Variants in DYNC1LI1 observed in about 807,000 individuals in gnomAD.
DYNC1LI1 encodes the protein dynein cytoplasmic 1 light intermediate chain 1.
In DYNC1LI1, 19 loss-of-function variants were observed where a neutral mutation model predicts 63.8. That is an observed-to-expected ratio of 0.30 (90% confidence interval 0.21 to 0.44). The LOEUF (loss-of-function observed/expected upper bound fraction) is 0.44, where lower values mean the gene tolerates loss of function less well. Among genes scored for constraint, DYNC1LI1 ranks in the 20% least tolerant of loss-of-function variants. The pLI is 1.00. For synonymous variants in DYNC1LI1, 225 were observed against 232.3 expected, an observed-to-expected ratio of 0.97 and a Z score of 0.28; for missense variants, 565 against 630.2, an observed-to-expected ratio of 0.90 and a Z score of 1.11.
Position 32,526,908 on chromosome 3 carries a change from C to A in DYNC1LI1, c.1463G>T (p.Gly488Val), listed in dbSNP as rs143517124. The stretch of plus-strand genomic sequence containing the variant: ...ATGAACATCTAAGACAGGCTTCTGG[C>A]CTACATTGAAGAAAAAGAAAAAAAA... ...SGLPPSTKKS[G>V]QKPVLDVHAE... Residue 488 changes from glycine to valine, a missense_variant and splice_region_variant, in exon 13 of 13, where the codon GGC becomes GTC. Gly to Val is a moderately radical substitution (Grantham distance 109, BLOSUM62 -3). Coordinates refer to ENST00000273130, the MANE Select transcript of DYNC1LI1 (RefSeq NM_016141.4). 2.1e-5 allele frequency: 33 copies of A among 1,603,074 alleles called. No homozygotes were observed. In the African/African-American group the frequency reaches 3.5e-4, roughly 17 times the overall value.
At chr3:32,544,831 A>C (rs757405648) in intron 4 of DYNC1LI1, 45 bp downstream of exon 4, 63 of 1,367,732 alleles carry the variant, frequency 4.6e-5, no homozygotes, top group Non-Finnish European at 6.5e-5. Context: ...GTCAGCCAAG[A>C]CATTTTGTAT....
intron 4 of DYNC1LI1, 88 bp downstream of exon 4, chr3:32,544,788 C>CT (rs201284867): frequency 1.1e-6 from 1 of 949,768 alleles, no homozygotes; most frequent in Middle Eastern, 2.2e-4. Flanking sequence ...TTCATTAAAC[C>CT]TTTTTTATAG....
At chr3:32,550,180 A>G (rs572844040) in intron 2 of DYNC1LI1, among the ~76,000 whole-genome samples, 1 of 152,264 alleles carries the variant, frequency 6.6e-6, no homozygotes, top group South Asian at 2.1e-4. Flanking sequence ...GCCTGTAATC[A>G]CAGCACTTTG....
chr3:32,560,959 A>AC (rs1698181529), intron 2 of DYNC1LI1, among the ~76,000 whole-genome samples: 1 of 128,782 alleles, frequency 7.8e-6, no homozygotes, highest in Non-Finnish European at 1.6e-5. Flanking sequence ...CCAAGACTGC[A>AC]CCACTGCACT....
At chr3:32,565,012 T>C (rs1042129817) in intron 2 of DYNC1LI1, among the ~76,000 whole-genome samples, 2 of 152,184 alleles carry the variant, frequency 1.3e-5, no homozygotes, top group African/African-American at 2.4e-5. Flanking sequence ...CATATACTTA[T>C]TGATGATGTT....
rs537165508 is a variant in DYNC1LI1 at position 32,552,696 on chromosome 3, C to CTGT, written c.221-6734_221-6732dup. Reference sequence around the variant, plus strand: ...TTTCACAGCAAAATGTATACTTTTGCTGTTGTTGTTGTTGTTGTTGTTGTC... The same window carrying CTGT: ...TTTCACAGCAAAATGTATACTTTTGCTGTTGTTGTTGTTGTTGTTGTTGTTGTC... On this transcript the variant is annotated intron_variant, in intron 2 of 12. Transcript: ENST00000273130. Among the ~76,000 whole-genome samples, 119 of 151,906 alleles carry CTGT rather than the reference C, an allele frequency of 7.8e-4. No individual in the cohort carries two copies. In the Middle Eastern group the frequency reaches 0.027, roughly 35 times the overall value.
At chr3:32,558,386 C>T (rs1450663229) in intron 2 of DYNC1LI1, among the ~76,000 whole-genome samples, 1 of 147,206 alleles carries the variant, frequency 6.8e-6, no homozygotes, top group East Asian at 2.0e-4. Flanking sequence ...TTTTATTCCC[C>T]CAACTCTTTA....
chr3:32,532,732 T>C, intron 8 of DYNC1LI1: 1 of 417,818 alleles, frequency 2.4e-6, no homozygotes, highest in Non-Finnish European at 3.8e-6. Context: ...TATATTAGAA[T>C]GTGGATTCTG....
chr3:32,527,904 T>C (rs533024972), intron 12 of DYNC1LI1, among the ~76,000 whole-genome samples: 3 of 151,770 alleles, frequency 2.0e-5, no homozygotes, highest in African/African-American at 7.3e-5. Context: ...GAGGATCACT[T>C]GAGGCCAGGA....
At chr3:32,558,118 C>A (rs1454181942) in intron 2 of DYNC1LI1, among the ~76,000 whole-genome samples, 2 of 152,074 alleles carry the variant, frequency 1.3e-5, no homozygotes, top group Non-Finnish European at 1.5e-5. Flanking sequence ...CCTGTAGCCC[C>A]AGCTACTCAG....
chr3:32,530,484 G>T lies in DYNC1LI1; in HGVS notation c.1117C>A (p.Gln373Lys). ...ACCTGTAGCTTCATAAGAAACACCTGATCATCTTCTGCCATAATTTCCTTC... is the reference window on the plus strand; with the variant it reads ...ACCTGTAGCTTCATAAGAAACACCTTATCATCTTCTGCCATAATTTCCTTC... ...HEKEIMAEDD[Q>K]VFLMKLQSLL... The change falls in exon 9 of 13, where the codon CAG becomes AAG. Residue 373 changes from glutamine to lysine, a missense_variant. Transcript: ENST00000273130. 1 of 1,613,288 alleles carries T rather than the reference G, an allele frequency of 6.2e-7. No individual in the cohort carries two copies. Among genetic ancestry groups the T allele is most frequent in the South Asian group, 1.1e-5 (1 of 91,060 alleles).
At chr3:32,530,095 G>A (rs1268314422) in intron 10 of DYNC1LI1, among the ~76,000 whole-genome samples, 189 bp downstream of exon 10, 2 of 152,106 alleles carry the variant, frequency 1.3e-5, no homozygotes, top group South Asian at 4.1e-4. Flanking sequence ...ATAAATGGCT[G>A]AGTATTGACA....
At chr3:32,568,543 G>GT (rs1273110564) in intron 2 of DYNC1LI1, among the ~76,000 whole-genome samples, 2 of 152,012 alleles carry the variant, frequency 1.3e-5, no homozygotes, top group African/African-American at 4.8e-5. Context: ...TTCTTGTATG[G>GT]TGGAGTGAAG....
At chr3:32,530,078 A>G (rs1291056852) in intron 10 of DYNC1LI1, among the ~76,000 whole-genome samples, 1 of 152,188 alleles carries the variant, frequency 6.6e-6, no homozygotes, top group Non-Finnish European at 1.5e-5. Context: ...AATTTGTAAA[A>G]TGACATATAA....
Position 32,567,560 on chromosome 3 carries a change from A to G in DYNC1LI1, c.220+2786T>C, listed in dbSNP as rs184002492. 1.0e-3 allele frequency among the ~76,000 whole-genome samples: 152 copies of G among 149,346 alleles called. 1 individual carries two copies. The highest frequency in any genetic ancestry group is 3.4e-3 in the African/African-American group (139 of 40,572). ...TTATTATTATTATTATTATTTTGAG[A>G]CAGGGTCTCACTCTGTTGCCCAGGC... On this transcript the variant is annotated intron_variant, in intron 2 of 12. Transcript: ENST00000273130.
chr3:32,532,855 C>T (rs1252345199), intron 8 of DYNC1LI1, 131 bp downstream of exon 8: 6 of 1,360,460 alleles, frequency 4.4e-6, no homozygotes, highest in Non-Finnish European at 5.7e-6. Flanking sequence ...AGAAACACAC[C>T]AAAATTATAC....
intron 7 of DYNC1LI1, 22 bp from the exon 8 acceptor site, chr3:32,533,119 A>G (rs1697724499): frequency 6.3e-7 from 1 of 1,582,278 alleles, no homozygotes; most frequent in African/African-American, 1.4e-5. Flanking sequence ...TACATATGAT[A>G]AATTCTCAAG....
chr3:32,534,439 C>T, intron 7 of DYNC1LI1, 72 bp downstream of exon 7: 1 of 1,177,528 alleles, frequency 8.5e-7, no homozygotes, highest in Non-Finnish European at 1.2e-6. Flanking sequence ...CATCTCAAAA[C>T]TGAAATAATG....
chr3:32,545,558 C>T (rs571912836), intron 3 of DYNC1LI1: 33 of 379,940 alleles, frequency 8.7e-5, no homozygotes, highest in African/African-American at 6.6e-4. Flanking sequence ...AAATGGGAGT[C>T]AACAAAACAA....
Sources: allele counts gnomAD v4.1 joint callset (sites outside exome capture counted in the v4.1 genomes callset), GRCh38; gene constraint gnomAD v4.1.1; transcripts MANE v1.5; gene names NCBI Gene and HGNC (gene_info 2026-07-23, HGNC 2026-07-21).